The following ARHGAP44 variants were observed in gnomAD, a reference collection of about 807,000 sequenced individuals.
ARHGAP44 encodes rho GTPase-activating protein 44.
In ARHGAP44, 43 loss-of-function variants were observed where a neutral mutation model predicts 106.8. The observed-to-expected ratio is 0.40, with a 90% CI of 0.32 to 0.52. The LOEUF (loss-of-function observed/expected upper bound fraction) is 0.52. Ranked by LOEUF, ARHGAP44 falls within the 20% of genes least tolerant of loss-of-function variation. ARHGAP44 has a pLI of 0.48. For missense variants in ARHGAP44, 866 were observed against 1,050.5 expected (o/e 0.82, Z 2.43); for synonymous variants, 439 against 410.3 (o/e 1.07, Z -0.85).
intron 20 of ARHGAP44, chr17:12,986,179 C>T (rs2039951249): frequency 6.6e-6 from 1 of 152,114 alleles, no homozygotes; most frequent in Non-Finnish European, 1.5e-5. Flanking sequence ...GAAGGTACAG[C>T]TGCTGTCATC....
chr17:12,863,174 AT>A (rs902443896), intron 1 of ARHGAP44, among the ~76,000 whole-genome samples: 2 of 151,918 alleles, frequency 1.3e-5, no homozygotes, highest in African/African-American at 4.8e-5. Flanking sequence ...AATTAAAAAA[AT>A]TTTTTTAAAG....
intron 7 of ARHGAP44, among the ~76,000 whole-genome samples, chr17:12,935,152 C>A (rs2038508977): frequency 6.6e-6 from 1 of 151,874 alleles, no homozygotes; most frequent in Non-Finnish European, 1.5e-5. Context: ...AAAAAATAAT[C>A]CTGAATAGAT....
At chr17:12,878,531 A>G (rs563895705) in intron 1 of ARHGAP44, among the ~76,000 whole-genome samples, 5 of 152,172 alleles carry the variant, frequency 3.3e-5, no homozygotes, top group African/African-American at 1.2e-4. Context: ...AAAATGGTGG[A>G]TAGTGCTTTT....
intron 16 of ARHGAP44, among the ~76,000 whole-genome samples, chr17:12,971,303 G>A (rs931540761): frequency 1.6e-4 from 25 of 152,222 alleles, no homozygotes; most frequent in Admixed American, 4.6e-4. Flanking sequence ...GGTACTGTTG[G>A]GGAAATAGAA....
chr17:12,893,845 G>A (rs28784008), intron 1 of ARHGAP44, among the ~76,000 whole-genome samples: 9,397 of 152,168 alleles, frequency 0.062, 326 homozygotes, highest in East Asian at 0.1. Flanking sequence ...GGTGTTTTAG[G>A]TGTTGCTGTT....
chr17:12,984,479 G>C (rs1256062825), intron 19 of ARHGAP44, 52 bp from the exon 20 acceptor site: 16 of 1,498,480 alleles, frequency 1.1e-5, no homozygotes, highest in Non-Finnish European at 1.3e-5. Context: ...CCCACAAGTG[G>C]CTTCATTCAA....
At chr17:12,943,483 C>CTCCT (rs1161302958) in intron 8 of ARHGAP44, 105 bp from the exon 9 acceptor site, 13 of 967,956 alleles carry the variant, frequency 1.3e-5, no homozygotes. Flanking sequence ...GGGTGACTAC[C>CTCCT]TCCTTCCGCA....
intron 1 of ARHGAP44, among the ~76,000 whole-genome samples, chr17:12,871,659 G>A: frequency 6.6e-6 from 1 of 152,064 alleles, no homozygotes; most frequent in South Asian, 2.1e-4. Context: ...GTCCAACATT[G>A]GGAATTAACA....
intron 1 of ARHGAP44, among the ~76,000 whole-genome samples, chr17:12,878,706 G>A (rs1387947090): frequency 6.6e-6 from 1 of 152,186 alleles, no homozygotes; most frequent in Non-Finnish European, 1.5e-5. Context: ...TTCAGGAATA[G>A]TGAAGGAGGG....
chr17:12,840,635 T>C (rs537073075), intron 1 of ARHGAP44, among the ~76,000 whole-genome samples: 1 of 149,998 alleles, frequency 6.7e-6, no homozygotes, highest in Admixed American at 6.6e-5. Context: ...GCTGAGGAGG[T>C]AGAGAAGAGG....
At chr17:12,795,764 G>C (rs1020394379) in intron 1 of ARHGAP44, among the ~76,000 whole-genome samples, 6 of 151,996 alleles carry the variant, frequency 3.9e-5, no homozygotes, top group African/African-American at 7.2e-5. Flanking sequence ...CAGGAGGTTG[G>C]GGGGAGAGTC....
intron 15 of ARHGAP44, among the ~76,000 whole-genome samples, chr17:12,957,351 A>C (rs987110665): frequency 6.6e-6 from 1 of 152,198 alleles, no homozygotes; most frequent in African/African-American, 2.4e-5. Context: ...TATCCATACC[A>C]TAGTTTCTTC....
chr17:12,890,143 G>C (rs367587658), intron 1 of ARHGAP44, among the ~76,000 whole-genome samples: 41 of 152,084 alleles, frequency 2.7e-4, no homozygotes, highest in African/African-American at 9.2e-4. Flanking sequence ...TTGCCTTAGT[G>C]AGTACTCTCT....
At chr17:12,876,986 A>G (rs1231794242) in intron 1 of ARHGAP44, among the ~76,000 whole-genome samples, 1 of 152,072 alleles carries the variant, frequency 6.6e-6, no homozygotes, top group African/African-American at 2.4e-5. Context: ...GCTCGGGACT[A>G]TGCAAGTAGA....
At chr17:12,963,491 T>A (rs1249223082) in intron 16 of ARHGAP44, among the ~76,000 whole-genome samples, 1 of 151,960 alleles carries the variant, frequency 6.6e-6, no homozygotes, top group Non-Finnish European at 1.5e-5. Context: ...TGAGAAGGAG[T>A]CATTCTGGAG....
chr17:12,982,300 T>C (rs751353975), intron 19 of ARHGAP44, among the ~76,000 whole-genome samples: 1 of 142,692 alleles, frequency 7.0e-6, no homozygotes, highest in African/African-American at 2.6e-5. Context: ...GATGGCACAC[T>C]TAGCAGGTCT....
chr17:12,789,885 TG>T lies in ARHGAP44; in HGVS notation c.50del (p.Gly17AlafsTer9). ...NRMRQLANQT[V>X]GRAEKTEVLS... The stretch of plus-strand genomic sequence containing the variant: ...ATGCGCCAGCTGGCCAACCAGACGG[TG>T]GGCAGGTAGGTCACCCGCGGGCACC... On this transcript the variant is annotated frameshift_variant, in exon 1 of 21. Transcript: ENST00000379672. LOFTEE classifies it high-confidence loss of function. 6.6e-7 allele frequency: 1 copy of T among 1,521,310 alleles called. No individual in the cohort carries two copies. Among genetic ancestry groups the T allele is most frequent in the Non-Finnish European group, 8.8e-7 (1 of 1,137,460 alleles). 94.2% of individuals were successfully genotyped at this position (1,521,310 alleles called of 1,614,324 possible).
chr17:12,956,536 C>T (rs2143151781), intron 14 of ARHGAP44, 119 bp from the exon 15 acceptor site: 1 of 754,708 alleles, frequency 1.3e-6, no homozygotes, highest in Non-Finnish European at 2.2e-6. Flanking sequence ...TCTCAAACCT[C>T]TGTCTGTGGG....
rs574147560 is a variant in ARHGAP44, at chr17:12,797,848, G to GT, written c.53+7960dup. 5.7e-4 allele frequency among the ~76,000 whole-genome samples: 87 copies of GT among 152,276 alleles called. No individual in the cohort carries two copies. In the South Asian group the frequency reaches 0.018, roughly 31 times the overall value. On this transcript the variant is annotated intron_variant, in intron 1 of 20. Coordinates refer to ENST00000379672, the MANE Select transcript of ARHGAP44 (RefSeq NM_014859.6). ...TTCTTCTCATCTGGGAATAGGGCAT[G>GT]TTTATTCCAATCTATTTATAATCCT...
Sources: gnomAD v4.1 joint callset for allele counts (sites outside exome capture counted in the v4.1 genomes callset) on GRCh38, gnomAD v4.1.1 for gene constraint, MANE v1.5 for transcripts, NCBI Gene and HGNC (gene_info 2026-07-23, HGNC 2026-07-21) for gene names.